Variants in SNTG1 observed in about 807,000 individuals in gnomAD.
The protein encoded by SNTG1 is gamma-1-syntrophin.
In SNTG1, 39 loss-of-function variants were observed where a neutral mutation model predicts 74.7. That is an observed-to-expected ratio of 0.52 (90% CI 0.40 to 0.68). SNTG1 has a LOEUF of 0.68. Ranked by LOEUF, SNTG1 falls within the 30% of genes least tolerant of loss-of-function variation. SNTG1 has a pLI of 0.00. For missense variants in SNTG1, 685 were observed against 609.5 expected, an observed-to-expected ratio of 1.12 and a Z score of -1.30; for synonymous variants, 254 against 217.1, an observed-to-expected ratio of 1.17 and a Z score of -1.49.
intron 18 of SNTG1, among the ~76,000 whole-genome samples, chr8:50,786,644 A>T (rs2095676092): frequency 6.6e-6 from 1 of 151,932 alleles, no homozygotes; most frequent in African/African-American, 2.4e-5. Flanking sequence ...ATAAGAATGG[A>T]CATATAGAAC....
At position 50,675,685 on chromosome 8, in the gene SNTG1, T is replaced by A. The variant is rs181580489; in HGVS notation, c.1038+17022T>A. On this transcript the variant is annotated intron_variant, in intron 15 of 18. Transcript: ENST00000642720. ...TAAGGTTGGTATTATTATATGTGAA[T>A]TTGATCCTGTCATCATGATGTTATC... Among the ~76,000 whole-genome samples the A allele has an allele frequency of 5.3e-4, 81 of 152,110 alleles. 1 individual carries two copies. Among genetic ancestry groups the A allele is most frequent in the Non-Finnish European group, 7.8e-4 (53 of 68,008 alleles).
At chr8:50,239,093 G>T (rs145097498) in intron 2 of SNTG1, among the ~76,000 whole-genome samples, 290 of 152,204 alleles carry the variant, frequency 1.9e-3, no homozygotes, top group Middle Eastern at 0.01. Context: ...ATTTCTCAAG[G>T]AGCTTAAAAC....
intron 18 of SNTG1, among the ~76,000 whole-genome samples, chr8:50,761,453 G>T (rs113802191): frequency 6.6e-6 from 1 of 152,008 alleles, no homozygotes; most frequent in Non-Finnish European, 1.5e-5. Context: ...CCCCCGCTTA[G>T]GTTGGACAGG....
chr8:50,541,171 C>G (rs1372032869), intron 11 of SNTG1, among the ~76,000 whole-genome samples: 3 of 151,714 alleles, frequency 2.0e-5, no homozygotes, highest in African/African-American at 7.3e-5. Flanking sequence ...CAGATTGTAT[C>G]ACATTGCAAA....
At chr8:50,068,614 G>A (rs1269669464) in intron 1 of SNTG1, among the ~76,000 whole-genome samples, 2 of 152,144 alleles carry the variant, frequency 1.3e-5, no homozygotes, top group African/African-American at 2.4e-5. Context: ...CATATTCCAC[G>A]CTACTGATTT....
chr8:50,255,260 A>G (rs1431000853), intron 2 of SNTG1, among the ~76,000 whole-genome samples: 1 of 152,162 alleles, frequency 6.6e-6, no homozygotes, highest in Non-Finnish European at 1.5e-5. Flanking sequence ...ACATTTAGCC[A>G]TGATTGGTAT....
At chr8:50,284,516 G>T (rs769914835) in intron 2 of SNTG1, among the ~76,000 whole-genome samples, 6 of 152,228 alleles carry the variant, frequency 3.9e-5, no homozygotes, top group Middle Eastern at 6.8e-3. Flanking sequence ...ACCTGTCAAT[G>T]TGTGCTTTGG....
intron 1 of SNTG1, among the ~76,000 whole-genome samples, chr8:50,131,569 TTGTC>T (rs2081318409): frequency 6.6e-6 from 1 of 152,094 alleles, no homozygotes. Context: ...GACATTTTCT[TTGTC>T]TATTTATTTG....
intron 1 of SNTG1, among the ~76,000 whole-genome samples, chr8:50,101,233 A>G (rs929449581): frequency 6.6e-6 from 1 of 152,122 alleles, no homozygotes; most frequent in East Asian, 1.9e-4. Context: ...ATAGGGCTGC[A>G]ATGAACATAC....
At chr8:49,988,847 A>T (rs1008020328) in intron 1 of SNTG1, among the ~76,000 whole-genome samples, 5 of 151,982 alleles carry the variant, frequency 3.3e-5, no homozygotes, top group Non-Finnish European at 5.9e-5. Flanking sequence ...AGTCTTTTTC[A>T]TTAAAAAATG....
intron 1 of SNTG1, among the ~76,000 whole-genome samples, chr8:50,017,633 C>T (rs1249644052): frequency 6.6e-6 from 1 of 151,758 alleles, no homozygotes; most frequent in Non-Finnish European, 1.5e-5. Context: ...TATCAGGCAA[C>T]ATAGACTTTA....
At chr8:50,438,751 A>C in intron 5 of SNTG1, 152 bp downstream of exon 5, 4 of 605,668 alleles carry the variant, frequency 6.6e-6, no homozygotes, top group East Asian at 2.9e-5. Flanking sequence ...GTAGGTTCTC[A>C]CAGAATTCCT....
intron 9 of SNTG1, among the ~76,000 whole-genome samples, chr8:50,527,533 A>G (rs2094231310): frequency 6.6e-6 from 1 of 152,018 alleles, no homozygotes; most frequent in Non-Finnish European, 1.5e-5. Context: ...TATATATATG[A>G]TTATTATTTG....
At chr8:50,392,625 T>C (rs970520706) in intron 2 of SNTG1, among the ~76,000 whole-genome samples, 4 of 152,192 alleles carry the variant, frequency 2.6e-5, no homozygotes, top group African/African-American at 9.7e-5. Context: ...ATCTCCTATA[T>C]ATTTTATCTA....
chr8:50,697,130 T>C (rs141546699), intron 15 of SNTG1, among the ~76,000 whole-genome samples: 143 of 152,240 alleles, frequency 9.4e-4, no homozygotes, highest in African/African-American at 3.4e-3. Flanking sequence ...TATCAGTGTT[T>C]TGCAGTTTTT....
At chr8:50,591,478 C>T (rs2094691494) in intron 13 of SNTG1, among the ~76,000 whole-genome samples, 1 of 152,106 alleles carries the variant, frequency 6.6e-6, no homozygotes, top group African/African-American at 2.4e-5. Context: ...TTTAAATGCT[C>T]TTCAACTTAT....
At chr8:50,273,007 G>A (rs938436559) in intron 2 of SNTG1, among the ~76,000 whole-genome samples, 1 of 151,946 alleles carries the variant, frequency 6.6e-6, no homozygotes, top group Non-Finnish European at 1.5e-5. Context: ...GCCACCCAAA[G>A]TGCTGGGATT....
chr8:50,766,772 A>G (rs2095614945), intron 18 of SNTG1, among the ~76,000 whole-genome samples: 1 of 151,928 alleles, frequency 6.6e-6, no homozygotes, highest in African/African-American at 2.4e-5. Flanking sequence ...ATGTCCTCCC[A>G]TGCATCCAAG....
rs2081555790 is a variant in SNTG1, at chr8:50,138,602, G to T, written c.-102-33959G>T. 4.7e-5 allele frequency among the ~76,000 whole-genome samples: 7 copies of T among 149,966 alleles called. No homozygotes were observed. The South Asian group carries it at 1.5e-3, about 31-fold the overall frequency. The stretch of plus-strand genomic sequence containing the variant: ...ATGGTTCCATTGCACTCCAGCCTGG[G>T]CAACAAGAGTGAAACTCTGTCTCAA... On this transcript the variant is annotated intron_variant, in intron 1 of 18. Transcript: ENST00000642720.
Sources: allele counts gnomAD v4.1 joint callset (sites outside exome capture counted in the v4.1 genomes callset), GRCh38; gene constraint gnomAD v4.1.1; transcripts MANE v1.5; gene names NCBI Gene and HGNC (gene_info 2026-07-23, HGNC 2026-07-21).